The following ALG13 variants were observed in gnomAD, a reference collection of about 807,000 sequenced individuals.
The protein encoded by ALG13 is UDP-N-acetylglucosamine transferase subunit ALG13.
A neutral mutation model predicts 87.8 loss-of-function variants in ALG13; 11 were observed. The ratio of observed to expected loss-of-function variants is 0.13; its 90% CI spans 0.08 to 0.21. The LOEUF is 0.21. ALG13 is among the 10% of genes least tolerant of loss of function. The pLI, the probability that ALG13 is intolerant of heterozygous loss-of-function variation, is 1.00. For missense variants in ALG13, 756 were observed against 866.1 expected, an observed-to-expected ratio of 0.87 and a Z score of 1.60; for synonymous variants, 320 against 306.3, an observed-to-expected ratio of 1.04 and a Z score of -0.47.
intron 2 of ALG13, among the ~76,000 whole-genome samples, chrX:111,683,352 C>T (rs769280824): frequency 1.1e-5 from 1 of 87,310 alleles, no homozygotes; most frequent in Non-Finnish European, 2.2e-5. Flanking sequence ...TTTTCTGGGA[C>T]GGAGTTTCAC....
At chrX:111,750,845 T>C (rs1351646417) in intron 24 of ALG13, among the ~76,000 whole-genome samples, 1 of 108,258 alleles carries the variant, frequency 9.2e-6, no homozygotes, top group Non-Finnish European at 1.9e-5. Flanking sequence ...TTTTTTGTAT[T>C]TTTAGTAGAG....
At chrX:111,682,873 T>G (rs1933829027) in intron 2 of ALG13, among the ~76,000 whole-genome samples, 1 of 112,146 alleles carries the variant, frequency 8.9e-6, no homozygotes, top group African/African-American at 3.2e-5. Context: ...CTACATACTG[T>G]GTAAATTGTT....
chrX:111,708,160 G>A lies in ALG13; in HGVS notation c.517G>A (p.Ala173Thr). ...GCTTTCCGGATACCTGCATAAGCAA[G>A]CCCTTGTTACTGCTACCCATCCTAC... ...GLLSGYLHKQ[A>T]LVTATHPTCT... The change falls in exon 4 of 27, where the codon GCC becomes ACC. Residue 173 changes from alanine to threonine, a missense_variant. Ala to Thr is a moderately conservative substitution (Grantham distance 58, BLOSUM62 0). Transcript: ENST00000394780. 8.3e-7 allele frequency: 1 copy of A among 1,211,725 alleles called. No homozygotes were observed. Among genetic ancestry groups the A allele is most frequent in the Non-Finnish European group, 1.1e-6 (1 of 895,466 alleles).
chrX:111,727,075 G>T lies in ALG13; in HGVS notation c.1976+20G>T, dbSNP rs1556507692. On this transcript the variant is annotated intron_variant, in intron 16 of 26. Coordinates refer to ENST00000394780, the MANE Select transcript of ALG13 (RefSeq NM_001099922.3). ...GCCCAGGTAAGACATTGACAGATTT[G>T]TATTTTCATGGTCTAGGGAAATATG... 8.3e-7 allele frequency: 1 copy of T among 1,206,928 alleles called. No individual in the cohort carries two copies. The highest frequency in any genetic ancestry group is 1.1e-6 in the Non-Finnish European group (1 of 892,987).
chrX:111,721,656 G>C lies in ALG13; in HGVS notation c.1380G>C (p.Leu460=). The C allele has an allele frequency of 8.3e-7, 1 of 1,204,833 alleles. No homozygotes were observed. The highest frequency in any genetic ancestry group is 1.1e-6 in the Non-Finnish European group (1 of 891,296). Residue 460 remains leucine, a synonymous_variant, in exon 12 of 27, where the codon CTG becomes CTC. Coordinates refer to ENST00000394780, the MANE Select transcript of ALG13 (RefSeq NM_001099922.3). ...TCCCCTATAAGGTGCTCAAAGCCCT[G>C]GATCCAGAAATCTATCGTAATGTAG... ...MPFPYKVLKA[L]DPEIYRNVEF... is the part of the protein sequence containing the mutation.
chrX:111,717,995 T>C (rs903110636), intron 9 of ALG13, 68 bp downstream of exon 9: 43 of 1,081,615 alleles, frequency 4.0e-5, no homozygotes, highest in Non-Finnish European at 4.5e-5. Context: ...GGACCCACCA[T>C]GAATAGCCCC....
At chrX:111,685,574 G>A (rs1032201368) in intron 3 of ALG13, among the ~76,000 whole-genome samples, 3 of 112,400 alleles carry the variant, frequency 2.7e-5, no homozygotes, top group Non-Finnish European at 3.7e-5. Context: ...TGTGGATACA[G>A]TAGTAAACAT....
rs1412582534 is a variant in ALG13 at position 111,713,299 on chromosome X, TAAG to T, written c.1005+7_1005+9del. On this transcript the variant is annotated splice_donor_5th_base_variant and intron_variant, in intron 8 of 26. Coordinates refer to ENST00000394780, the MANE Select transcript of ALG13 (RefSeq NM_001099922.3). ...ACAGATAATGGCTATGAAGACAAGG[TAAG>T]AAGATGAGTGAATGTTGACTTATAT... 8.7e-7 allele frequency: 1 copy of T among 1,148,228 alleles called. No individual in the cohort carries two copies. Among genetic ancestry groups the T allele is most frequent in the Admixed American group, 2.3e-5 (1 of 44,435 alleles). The allele number at this position is 1,148,228 out of a possible 1,213,427, so 94.6% of individuals were successfully genotyped here.
At chrX:111,713,059 C>G (rs1199654643) in intron 7 of ALG13, among the ~76,000 whole-genome samples, 166 bp from the exon 8 acceptor site, 1 of 111,724 alleles carries the variant, frequency 9.0e-6, no homozygotes, top group Non-Finnish European at 1.9e-5. Flanking sequence ...GAATTAACAT[C>G]ATTTAGCCCT....
rs147897682 is a variant in ALG13, at chrX:111,682,200, C to T, written c.150C>T (p.Pro50=). The T allele has an allele frequency of 1.7e-4, 200 of 1,201,205 alleles. No individual in the cohort carries two copies. The African/African-American group carries it at 2.9e-3, about 17-fold the overall frequency. The change falls in exon 2 of 27, where the codon CCC becomes CCT. Residue 50 remains proline, a synonymous_variant. Transcript: ENST00000394780. ...GTAGAGGAACGGTGGTACCTGAACC[C>T]TTCAGTACTGAGTCGTTTACTCTGG... ...QIGRGTVVPE[P]FSTESFTLDV...
intron 21 of ALG13, among the ~76,000 whole-genome samples, chrX:111,732,140 A>G (rs971808553): frequency 9.0e-6 from 1 of 111,648 alleles, no homozygotes; most frequent in Non-Finnish European, 1.9e-5. Context: ...CAAACTACTA[A>G]TTCTCTCCTA....
intron 23 of ALG13, among the ~76,000 whole-genome samples, chrX:111,742,207 C>A (rs1357848155): frequency 9.0e-6 from 1 of 111,224 alleles, no homozygotes; most frequent in East Asian, 2.8e-4. Context: ...ATAGATGAAA[C>A]GACTGATTTT....
In ALG13 at chrX:111,695,517, CTG is replaced by C. The variant is rs919144575; in HGVS notation, c.383+10416_383+10417del. 2.2e-4 allele frequency among the ~76,000 whole-genome samples: 23 copies of C among 103,433 alleles called. No homozygotes were observed. In the Admixed American group the frequency reaches 2.2e-3, roughly 10 times the overall value. The allele number at this position is 103,433 out of a possible 115,157, so 89.8% of individuals were successfully genotyped here. On this transcript the variant is annotated intron_variant, in intron 3 of 26. Transcript: ENST00000394780. ...CAGTCTGGGCAACAAGAGCGAAACT[CTG>C]TTTAAAAAAAAAAAAAAAACAAACC...
intron 10 of ALG13, among the ~76,000 whole-genome samples, chrX:111,719,350 G>T (rs781548616): frequency 9.0e-5 from 10 of 111,255 alleles, no homozygotes; most frequent in Non-Finnish European, 5.7e-5. Context: ...AGCTTATTTG[G>T]GACTGCCAGG....
chrX:111,743,063 A>G (rs766778490), intron 23 of ALG13, among the ~76,000 whole-genome samples: 3 of 111,729 alleles, frequency 2.7e-5, no homozygotes, highest in Non-Finnish European at 5.6e-5. Flanking sequence ...AATTCAGACA[A>G]AGTAACCTCC....
At chrX:111,753,503 A>G (rs1443097451) in intron 25 of ALG13, among the ~76,000 whole-genome samples, 1 of 112,137 alleles carries the variant, frequency 8.9e-6, no homozygotes, top group Non-Finnish European at 1.9e-5. Flanking sequence ...TGAATCCAGG[A>G]GCTGGTTTGT....
intron 3 of ALG13, among the ~76,000 whole-genome samples, chrX:111,707,136 T>C (rs1395894385): frequency 5.4e-5 from 6 of 111,207 alleles, no homozygotes; most frequent in African/African-American, 2.0e-4. Flanking sequence ...CACTTAGTAT[T>C]TTCTTTGGTT....
In ALG13 at chrX:111,736,778, C is replaced by T. The variant is rs755213977; in HGVS notation, c.2594C>T (p.Ser865Phe). ...AATAATGTTCCAGCTCCAGTCTTAT[C>T]TAACGGTGCAGCGGCTAATCAAGCT... ...CANNVPAPVL[S>F]NGAAANQAIS... Residue 865 changes from serine to phenylalanine, a missense_variant, in exon 23 of 27, where the codon TCT becomes TTT. Around this residue, in one of 9 missense-constraint regions of ALG13, gnomAD observed 362 missense variants for 383.5 expected, o/e 0.94. Transcript: ENST00000394780. The T allele has an allele frequency of 5.8e-6, 7 of 1,210,621 alleles. No individual in the cohort carries two copies. The highest frequency in any genetic ancestry group is 7.8e-6 in the Non-Finnish European group (7 of 894,715).
intron 24 of ALG13, among the ~76,000 whole-genome samples, chrX:111,748,582 T>A (rs760643508): frequency 6.2e-4 from 70 of 112,213 alleles, no homozygotes; most frequent in Non-Finnish European, 1.2e-3. Context: ...ATATTTTGAC[T>A]ACTTTCTTTT....
Sources: allele counts gnomAD v4.1 joint callset (sites outside exome capture counted in the v4.1 genomes callset), GRCh38; gene constraint gnomAD v4.1.1; regional missense constraint gnomAD v4.1.1; transcripts MANE v1.5; gene names NCBI Gene and HGNC (gene_info 2026-07-23, HGNC 2026-07-21).